The following NRCAM variants were observed in gnomAD, a reference collection of about 807,000 sequenced individuals.
NRCAM encodes neuronal cell adhesion molecule, also known as NgCAM-related cell adhesion molecule.
NRCAM carries 83 observed loss-of-function variants against 156.5 expected under a neutral mutation model. The ratio of observed to expected loss-of-function variants is 0.53; its 90% CI spans 0.44 to 0.64. The LOEUF (loss-of-function observed/expected upper bound fraction) is 0.64. NRCAM is among the 30% of genes least tolerant of loss of function. The probability of loss-of-function intolerance (pLI) is 0.00; values close to 1 mark genes in which losing one functional copy is unlikely to be tolerated. For missense variants in NRCAM, 1,417 were observed against 1,597.3 expected (o/e 0.89, Z 1.92); for synonymous variants, 538 against 563.9 (o/e 0.95, Z 0.65).
In NRCAM at chr7:108,148,342, T is replaced by C. The variant is rs1339967545; in HGVS notation, c.*1568A>G. 1.3e-5 allele frequency: 2 copies of C among 152,648 alleles called. No homozygotes were observed. Among genetic ancestry groups the C allele is most frequent in the South Asian group, 4.1e-4 (2 of 4,826 alleles). 9.5% of individuals were successfully genotyped at this position (152,648 alleles called of 1,614,324 possible). A position where few individuals can be genotyped will look rare whatever the true frequency, so the allele number is the denominator to read the frequency against. ...TATTTGTATGTAACACCTATAAGCA[T>C]ATAGCATCTACATTTTAAGTGTATT... is the stretch of plus-strand genomic sequence containing the variant. On this transcript the variant is annotated 3_prime_UTR_variant, in exon 33 of 33. Transcript: ENST00000379028.
chr7:108,283,173 G>C (rs972936197), intron 3 of NRCAM, among the ~76,000 whole-genome samples: 4 of 152,222 alleles, frequency 2.6e-5, no homozygotes, highest in African/African-American at 9.6e-5. Context: ...GCTTCTAAGA[G>C]CTAAATTTTG....
intron 2 of NRCAM, among the ~76,000 whole-genome samples, chr7:108,370,804 A>G (rs2099623429): frequency 6.6e-6 from 1 of 152,160 alleles, no homozygotes; most frequent in African/African-American, 2.4e-5. Flanking sequence ...CAGCACACCC[A>G]CATTCCCAGG....
chr7:108,304,186 G>C (rs564047840), intron 3 of NRCAM, among the ~76,000 whole-genome samples: 75 of 152,250 alleles, frequency 4.9e-4, no homozygotes, highest in Middle Eastern at 3.4e-3. Context: ...TCAAGACATT[G>C]TGATTTTCCC....
At chr7:108,306,819 A>G (rs1158341143) in intron 3 of NRCAM, among the ~76,000 whole-genome samples, 3 of 152,230 alleles carry the variant, frequency 2.0e-5, no homozygotes, top group Non-Finnish European at 4.4e-5. Context: ...TGAGACTCCA[A>G]GTGTACCAAG....
intron 3 of NRCAM, among the ~76,000 whole-genome samples, chr7:108,269,939 G>GTAACCATACTGTGCTTACAGGTTTATC (rs2097277891): frequency 6.6e-6 from 1 of 152,198 alleles, no homozygotes; most frequent in South Asian, 2.1e-4. Flanking sequence ...TCCTTAGACA[G>GTAACCATACTGTGCTTACAGGTTTATC]TAACCATACT....
At chr7:108,278,392 T>C (rs10464626) in intron 3 of NRCAM, among the ~76,000 whole-genome samples, 6,511 of 152,314 alleles carry the variant, frequency 0.043, 183 homozygotes, top group South Asian at 0.11. Context: ...AAGTGGGTTC[T>C]GCCCAGTTTG....
chr7:108,154,686 A>G (rs2151073888), intron 32 of NRCAM, among the ~76,000 whole-genome samples: 1 of 152,298 alleles, frequency 6.6e-6, no homozygotes, highest in Admixed American at 6.5e-5. Flanking sequence ...GTGGTGTGAT[A>G]TAATATCATA....
intron 3 of NRCAM, among the ~76,000 whole-genome samples, chr7:108,253,358 G>A (rs780355681): frequency 1.1e-4 from 16 of 152,158 alleles, no homozygotes; most frequent in Non-Finnish European, 2.2e-4. Context: ...GTTCAAGAGG[G>A]AAGAGGAAAG....
chr7:108,338,614 A>G (rs933738193), intron 2 of NRCAM, among the ~76,000 whole-genome samples: 3 of 151,246 alleles, frequency 2.0e-5, no homozygotes, highest in South Asian at 2.1e-4. Context: ...GACAGAGAGG[A>G]GAGAGACACA....
chr7:108,283,878 C>T (rs1366473602), intron 3 of NRCAM, among the ~76,000 whole-genome samples: 1 of 152,170 alleles, frequency 6.6e-6, no homozygotes, highest in Non-Finnish European at 1.5e-5. Context: ...TGGAGTCTCA[C>T]TCTGTTGCCC....
At chr7:108,422,747 T>A (rs76377469) in intron 1 of NRCAM, among the ~76,000 whole-genome samples, 4,273 of 152,274 alleles carry the variant, frequency 0.028, 102 homozygotes, top group Non-Finnish European at 0.046. Flanking sequence ...TCACTGAACA[T>A]GTAACAATAT....
At chr7:108,405,414 C>T (rs888132088) in intron 1 of NRCAM, among the ~76,000 whole-genome samples, 4 of 152,198 alleles carry the variant, frequency 2.6e-5, no homozygotes, top group Non-Finnish European at 4.4e-5. Context: ...ATGGTCCATA[C>T]TTGGGACTCA....
intron 3 of NRCAM, among the ~76,000 whole-genome samples, chr7:108,242,641 T>C (rs2095613207): frequency 6.6e-6 from 1 of 152,186 alleles, no homozygotes; most frequent in Non-Finnish European, 1.5e-5. Context: ...ATATTATACA[T>C]ATTGAGATAA....
chr7:108,338,106 C>T (rs2099225039), intron 2 of NRCAM, among the ~76,000 whole-genome samples: 1 of 152,212 alleles, frequency 6.6e-6, no homozygotes, highest in African/African-American at 2.4e-5. Context: ...AAGCCAAGGG[C>T]CGACTAGAGG....
intron 1 of NRCAM, among the ~76,000 whole-genome samples, chr7:108,445,540 C>T (rs879662055): frequency 6.6e-6 from 1 of 152,186 alleles, no homozygotes; most frequent in East Asian, 1.9e-4. Flanking sequence ...CACAGATTTA[C>T]GTCATCTTTC....
At chr7:108,376,570 T>C (rs1028390354) in intron 2 of NRCAM, among the ~76,000 whole-genome samples, 4 of 152,202 alleles carry the variant, frequency 2.6e-5, no homozygotes, top group Non-Finnish European at 2.9e-5. Flanking sequence ...CTTTAAAACC[T>C]GGCAGCCTGA....
Position 108,387,953 on chromosome 7 carries a change from G to T in NRCAM, c.-174+11483C>A, listed in dbSNP as rs576633730. 6.0e-4 allele frequency among the ~76,000 whole-genome samples: 91 copies of T among 152,088 alleles called. 1 individual carries two copies. The highest frequency in any genetic ancestry group is 1.7e-3 in the East Asian group (9 of 5,174). The stretch of plus-strand genomic sequence containing the variant: ...TGTGCCACATTTTCTTAATCCAGTC[G>T]ATCATTGATGGACATTTGAGTTGGT... On this transcript the variant is annotated intron_variant, in intron 2 of 32. Transcript: ENST00000379028.
intron 1 of NRCAM, among the ~76,000 whole-genome samples, chr7:108,424,654 G>A (rs1018007443): frequency 4.6e-5 from 7 of 152,160 alleles, no homozygotes; most frequent in African/African-American, 1.7e-4. Context: ...TCTCAAAGGC[G>A]CCTGAGTGAA....
At position 108,232,366 on chromosome 7, in the gene NRCAM, G is replaced by A. The variant is rs770132892; in HGVS notation, c.387C>T (p.Arg129=). The change falls in exon 7 of 33, where the codon CGC becomes CGT. Residue 129 remains arginine, a synonymous_variant. Transcript: ENST00000379028. The stretch of plus-strand genomic sequence containing the variant: ...CAATGTTATTAGAAACTGCAGCTCC[G>A]CGTTCGTTCCTTGCTGTACACTGAT... The part of the protein sequence containing the change: ...GVYQCTARNE[R]GAAVSNNIVV... 51 of 1,609,734 alleles carry A rather than the reference G, an allele frequency of 3.2e-5. No homozygotes were observed. Among genetic ancestry groups the A allele is most frequent in the South Asian group, 2.3e-4 (21 of 90,100 alleles).
Sources: allele counts gnomAD v4.1 joint callset (sites outside exome capture counted in the v4.1 genomes callset), GRCh38; gene constraint gnomAD v4.1.1; transcripts MANE v1.5; gene names NCBI Gene and HGNC (gene_info 2026-07-23, HGNC 2026-07-21).